ABCA10: variants seen among roughly 807,000 people sequenced by gnomAD.
The protein encoded by ABCA10 is ATP-binding cassette sub-family A member 10.
Under a neutral mutation model 187.5 loss-of-function variants are expected in ABCA10, and 169 were observed. The observed-to-expected ratio is 0.90, with a 90% CI of 0.80 to 1.02. The LOEUF (loss-of-function observed/expected upper bound fraction) is 1.02. Ranked by LOEUF, ABCA10 falls within the 50% of genes least tolerant of loss-of-function variation. The pLI, the probability that ABCA10 is intolerant of heterozygous loss-of-function variation, is 0.00. For missense variants in ABCA10, 1,727 were observed against 1,812.4 expected, an observed-to-expected ratio of 0.95 and a Z score of 0.86; for synonymous variants, 574 against 601.8, an observed-to-expected ratio of 0.95 and a Z score of 0.68.
intron 38 of ABCA10, 38 bp downstream of exon 38, chr17:69,148,995 T>C: frequency 6.2e-7 from 1 of 1,613,290 alleles, no homozygotes; most frequent in Non-Finnish European, 8.5e-7. Context: ...CACACAGAGG[T>C]CATCTGGATG....
chr17:69,202,755 A>G (rs2074556640), intron 9 of ABCA10, among the ~76,000 whole-genome samples: 1 of 143,088 alleles, frequency 7.0e-6, no homozygotes, highest in Non-Finnish European at 1.5e-5. Flanking sequence ...AATCAATTAA[A>G]AATGGCTTGA....
chr17:69,175,327 G>A (rs186766830), intron 23 of ABCA10, 79 bp downstream of exon 23: 1 of 1,188,566 alleles, frequency 8.4e-7, no homozygotes, highest in Admixed American at 2.2e-5. Context: ...ACAACTGTGT[G>A]TGTATAAAAC....
chr17:69,211,313 TGATA>T (rs1303003360), intron 9 of ABCA10, among the ~76,000 whole-genome samples: 1 of 117,504 alleles, frequency 8.5e-6, no homozygotes, highest in Admixed American at 8.4e-5. Flanking sequence ...ATCATATATA[TGATA>T]TATATATATA....
intron 25 of ABCA10, among the ~76,000 whole-genome samples, chr17:69,170,044 T>C (rs2074285569): frequency 6.6e-6 from 1 of 152,090 alleles, no homozygotes; most frequent in Non-Finnish European, 1.5e-5. Context: ...TCCTAACACT[T>C]TGGGAGGCCA....
chr17:69,202,354 G>T (rs538912017), intron 9 of ABCA10, among the ~76,000 whole-genome samples: 2 of 152,146 alleles, frequency 1.3e-5, no homozygotes, highest in Non-Finnish European at 1.5e-5. Context: ...ATTGAAAATA[G>T]TGAGTATATA....
intron 6 of ABCA10, among the ~76,000 whole-genome samples, chr17:69,216,935 G>A (rs1376698980): frequency 1.3e-5 from 2 of 152,034 alleles, no homozygotes; most frequent in African/African-American, 4.8e-5. Context: ...TAAGAAATGT[G>A]AAACTAAAAT....
intron 20 of ABCA10, among the ~76,000 whole-genome samples, chr17:69,184,845 GTA>G (rs1160031320): frequency 2.0e-4 from 17 of 85,008 alleles, no homozygotes; most frequent in Middle Eastern, 6.3e-3. Context: ...ATATATATAT[GTA>G]TATGTGTGTG....
At chr17:69,179,236 G>A (rs985335925) in intron 22 of ABCA10, among the ~76,000 whole-genome samples, 4 of 151,418 alleles carry the variant, frequency 2.6e-5, no homozygotes, top group Non-Finnish European at 4.4e-5. Context: ...TCTGAACCTC[G>A]TCAAAAGGGA....
intron 3 of ABCA10, among the ~76,000 whole-genome samples, 197 bp downstream of exon 3, chr17:69,225,126 AAC>A (rs1054609926): frequency 2.0e-5 from 3 of 152,026 alleles, no homozygotes; most frequent in Admixed American, 6.6e-5. Flanking sequence ...AAAACAAACA[AAC>A]AAACAAAAGT....
In ABCA10 at chr17:69,155,912, T is replaced by C; in HGVS notation, c.3469A>G (p.Ser1157Gly). Residue 1157 changes from serine to glycine, a missense_variant, in exon 29 of 39, where the codon AGT (serine) becomes GGT (glycine). Coordinates refer to ENST00000690296, the MANE Select transcript of ABCA10 (RefSeq NM_001377321.1). The stretch of plus-strand genomic sequence containing the variant: ...TCCGGATTGGGATGAGTTTCTCTAC[T>C]CCGTGGAGAGATTCTACAGAGGAAA... ...KDPVFRISPR[S>G]RETHPNPEEP... 6.2e-7 allele frequency: 1 copy of C among 1,613,258 alleles called. No homozygotes were observed. Among genetic ancestry groups the C allele is most frequent in the Non-Finnish European group, 8.5e-7 (1 of 1,179,540 alleles).
intron 23 of ABCA10, 136 bp from the exon 24 acceptor site, chr17:69,174,913 A>G (rs1302311114): frequency 8.8e-6 from 6 of 683,044 alleles, no homozygotes; most frequent in Middle Eastern, 4.5e-4. Context: ...CCTCCTAAAA[A>G]TCTAGCATCT....
chr17:69,227,504 G>T (rs1275695496), intron 1 of ABCA10, among the ~76,000 whole-genome samples: 6 of 151,858 alleles, frequency 4.0e-5, no homozygotes, highest in Non-Finnish European at 8.8e-5. Context: ...AGATAAAGGA[G>T]ATAGTATATA....
intron 5 of ABCA10, among the ~76,000 whole-genome samples, 171 bp from the exon 6 acceptor site, chr17:69,219,942 A>G (rs1019194280): frequency 5.9e-5 from 9 of 152,254 alleles, no homozygotes; most frequent in Non-Finnish European, 8.8e-5. Context: ...GACATTAATT[A>G]TAAGAGTCAT....
At chr17:69,217,709 C>T (rs1330392261) in intron 6 of ABCA10, among the ~76,000 whole-genome samples, 1 of 152,136 alleles carries the variant, frequency 6.6e-6, no homozygotes, top group African/African-American at 2.4e-5. Flanking sequence ...GGATAATATA[C>T]AAGAAGTGTG....
intron 38 of ABCA10, 54 bp from the exon 39 acceptor site, chr17:69,148,979 T>C (rs547731193): frequency 3.3e-5 from 53 of 1,612,714 alleles, no homozygotes; most frequent in Middle Eastern, 1.7e-4. Flanking sequence ...GTCTGAAAGA[T>C]GGATTCACAC....
chr17:69,239,576 G>A (rs1471753085), intron 1 of ABCA10, among the ~76,000 whole-genome samples: 1 of 152,090 alleles, frequency 6.6e-6, no homozygotes, highest in African/African-American at 2.4e-5. Flanking sequence ...GCTAAAATTT[G>A]GTCAAGTCTC....
intron 10 of ABCA10, among the ~76,000 whole-genome samples, chr17:69,200,351 C>G (rs757958188): frequency 1.3e-5 from 2 of 152,132 alleles, no homozygotes; most frequent in Non-Finnish European, 2.9e-5. Flanking sequence ...GGGGCAAAGC[C>G]AGGATTCAAA....
intron 26 of ABCA10, 22 bp from the exon 27 acceptor site, chr17:69,164,176 G>A: frequency 6.4e-7 from 1 of 1,552,594 alleles, no homozygotes; most frequent in Non-Finnish European, 8.7e-7. Flanking sequence ...CCCACCAACA[G>A]TTAAATGCAA....
rs192490511 is a variant in ABCA10, at chr17:69,205,057, G to T, written c.1007-3389C>A. Among the ~76,000 whole-genome samples, 276 of 152,270 alleles carry T rather than the reference G, an allele frequency of 1.8e-3. 2 individuals carry two copies. Among genetic ancestry groups the T allele is most frequent in the African/African-American group, 6.3e-3 (261 of 41,558 alleles). On this transcript the variant is annotated intron_variant, in intron 9 of 38. Transcript: ENST00000690296. The stretch of plus-strand genomic sequence containing the variant: ...GTGGGAGGATTGCTTGAGTCTGGGA[G>T]GCAGAGGTTGCAGTGAGCTGAGATT...
Sources: gnomAD v4.1 joint callset for allele counts (sites outside exome capture counted in the v4.1 genomes callset) on GRCh38, gnomAD v4.1.1 for gene constraint, MANE v1.5 for transcripts, NCBI Gene and HGNC (gene_info 2026-07-23, HGNC 2026-07-21) for gene names.